The following GALNT9 variants were observed in gnomAD, a reference collection of about 807,000 sequenced individuals.
GALNT9 encodes the protein GalNAc transferase 9.
A neutral mutation model predicts 63.1 loss-of-function variants in GALNT9; 47 were observed. That is an observed-to-expected ratio of 0.75 (90% CI 0.59 to 0.95). GALNT9 has a LOEUF of 0.95. Among genes scored for constraint, GALNT9 ranks in the 40% least tolerant of loss-of-function variants. The probability of loss-of-function intolerance (pLI) is 0.00; values close to 1 mark genes in which losing one functional copy is unlikely to be tolerated. For synonymous variants in GALNT9, 396 were observed against 365.7 expected, an observed-to-expected ratio of 1.08 and a Z score of -0.94; for missense variants, 829 against 874.8, an observed-to-expected ratio of 0.95 and a Z score of 0.66.
At chr12:132,211,308 A>C (rs555602184) in intron 6 of GALNT9, among the ~76,000 whole-genome samples, 56 of 152,274 alleles carry the variant, frequency 3.7e-4, no homozygotes, top group African/African-American at 1.3e-3. Flanking sequence ...GAATAAACGA[A>C]CTTATTTCTC....
At position 132,226,393 on chromosome 12, in the gene GALNT9, C is replaced by G. The variant is rs1033538580; in HGVS notation, c.1077+21517G>C. Among the ~76,000 whole-genome samples, 302 of 151,152 alleles carry G rather than the reference C, an allele frequency of 2.0e-3. 4 individuals carry two copies. Among genetic ancestry groups the G allele is most frequent in the African/African-American group, 7.1e-3 (290 of 41,072 alleles). Reference sequence around the variant, plus strand: ...ACACACTGTACATACACATCCCACACACATACACCTCATATACCCCATGTA... The same window carrying G: ...ACACACTGTACATACACATCCCACAGACATACACCTCATATACCCCATGTA... On this transcript the variant is annotated intron_variant, in intron 6 of 10. Coordinates refer to ENST00000328957, the MANE Select transcript of GALNT9 (RefSeq NM_001122636.2).
rs757548654 is a variant in GALNT9 at position 132,199,286 on chromosome 12, C to T, written c.1402-17G>A. On this transcript the variant is annotated splice_polypyrimidine_tract_variant and intron_variant, in intron 8 of 10. Transcript: ENST00000328957. Reference sequence around the variant, plus strand: ...GTTTCTCACCTGCAAGCAGAAGCCCCAGGAGAAAGTCCAGAGTCACCCGAG... The same window carrying T: ...GTTTCTCACCTGCAAGCAGAAGCCCTAGGAGAAAGTCCAGAGTCACCCGAG... 1 of 1,576,242 alleles carries T rather than the reference C, an allele frequency of 6.3e-7. No individual in the cohort carries two copies. Among genetic ancestry groups the T allele is most frequent in the South Asian group, 1.1e-5 (1 of 90,450 alleles).
chr12:132,259,107 C>T (rs1368036863), intron 4 of GALNT9, among the ~76,000 whole-genome samples: 4 of 152,192 alleles, frequency 2.6e-5, no homozygotes, highest in Admixed American at 6.5e-5. Context: ...TTACTGTTAG[C>T]GAAGTGCTTC....
Position 132,282,138 on chromosome 12 carries a change from G to A in GALNT9, c.419+4112C>T, listed in dbSNP as rs1431068527. ...AGCAAGGCCAGGCCTGGGGGTCCCC[G>A]ATCCCACAGAGGAGGAATCAGCTCC... On this transcript the variant is annotated intron_variant, in intron 2 of 10. Transcript: ENST00000328957. This position sits in a 1 kb window ranked among gnomAD's most constrained non-coding sequence, Gnocchi z 4.5. Among the ~76,000 whole-genome samples, 4 of 111,300 alleles carry A rather than the reference G, an allele frequency of 3.6e-5. No homozygotes were observed. In the East Asian group the frequency reaches 7.9e-4, roughly 22 times the overall value. 73.0% of individuals were successfully genotyped at this position (111,300 alleles called of 152,430 possible).
At chr12:132,271,310 G>A (rs1398815686) in intron 2 of GALNT9, among the ~76,000 whole-genome samples, 5 of 152,106 alleles carry the variant, frequency 3.3e-5, no homozygotes, top group African/African-American at 1.2e-4. Context: ...GGAGAGAGGA[G>A]AACGCTGCCA....
rs1881096368 is a variant in GALNT9 at position 132,296,952 on chromosome 12, A to G, written c.239-10522T>C. 1.3e-5 allele frequency among the ~76,000 whole-genome samples: 2 copies of G among 152,060 alleles called. No homozygotes were observed. ...GAAATAACAAAGCCACTCCTCAGAT[A>G]ACCAACACATTCCCGAAATAAACAA... On this transcript the variant is annotated intron_variant, in intron 1 of 10. Transcript: ENST00000328957. This position sits in a 1 kb window ranked among gnomAD's most constrained non-coding sequence, Gnocchi z 4.2.
At position 132,313,774 on chromosome 12, in the gene GALNT9, CCATCCATA is replaced by C. The variant is rs1457579599; in HGVS notation, c.238+15184_238+15191del. On this transcript the variant is annotated intron_variant, in intron 1 of 10. Transcript: ENST00000328957. ...TCCATCCACCCATCCACCCAGCCAT[CCATCCATA>C]CATCCACCCATCCACCCACCCATCC... Among the ~76,000 whole-genome samples, 104 of 144,190 alleles carry C rather than the reference CCATCCATA, an allele frequency of 7.2e-4. 1 individual carries two copies. The highest frequency in any genetic ancestry group is 2.6e-3 in the African/African-American group (100 of 38,362). 94.6% of individuals were successfully genotyped at this position (144,190 alleles called of 152,430 possible). A position where few individuals can be genotyped will look rare whatever the true frequency, so the allele number is the denominator to read the frequency against.
intron 2 of GALNT9, among the ~76,000 whole-genome samples, chr12:132,271,598 C>G (rs1879868875): frequency 6.6e-6 from 1 of 152,206 alleles, no homozygotes; most frequent in Non-Finnish European, 1.5e-5. Flanking sequence ...CCACAAAACA[C>G]TGGCCTGGCG....
rs2136899450 is a variant in GALNT9 at position 132,240,766 on chromosome 12, G to C, written c.1077+7144C>G. 1.3e-5 allele frequency: 6 copies of C among 454,980 alleles called. 1 individual carries two copies. Among genetic ancestry groups the C allele is most frequent in the South Asian group, 7.8e-5 (5 of 64,474 alleles). 28.2% of individuals were successfully genotyped at this position (454,980 alleles called of 1,614,324 possible). ...CAGAACCTGATCACCAGCAGAATTG[G>C]AATGTGCAGTATGATCTATACATGT... is the stretch of plus-strand genomic sequence containing the variant. On this transcript the variant is annotated intron_variant, in intron 6 of 10. Transcript: ENST00000328957.
At chr12:132,255,064 G>T (rs1879060369) in intron 5 of GALNT9, among the ~76,000 whole-genome samples, 1 of 152,210 alleles carries the variant, frequency 6.6e-6, no homozygotes. Flanking sequence ...TGTCAACCAA[G>T]AATAAAATTC....
chr12:132,269,298 T>C (rs1879775953), intron 2 of GALNT9, among the ~76,000 whole-genome samples: 1 of 151,966 alleles, frequency 6.6e-6, no homozygotes, highest in Admixed American at 6.5e-5. Flanking sequence ...CGAGTGTGAT[T>C]TCCACGCGTG....
Position 132,230,641 on chromosome 12 carries a change from G to A in GALNT9, c.1077+17269C>T, listed in dbSNP as rs951270702. 1.2e-3 allele frequency among the ~76,000 whole-genome samples: 184 copies of A among 152,310 alleles called. 2 individuals carry two copies. Among genetic ancestry groups the A allele is most frequent in the African/African-American group, 4.0e-3 (168 of 41,562 alleles). On this transcript the variant is annotated intron_variant, in intron 6 of 10. Transcript: ENST00000328957. ...CACGGAGTGGATGAGAAGGCTGCCCGGGCAGGACCCCTTCCCCGCAGCCCT... is the reference window on the plus strand; with the variant it reads ...CACGGAGTGGATGAGAAGGCTGCCCAGGCAGGACCCCTTCCCCGCAGCCCT...
chr12:132,197,312 C>T (rs946342885), intron 10 of GALNT9, 59 bp from the exon 11 acceptor site: 22 of 1,587,502 alleles, frequency 1.4e-5, no homozygotes, highest in African/African-American at 6.7e-5. Flanking sequence ...CCCCTCCCCC[C>T]ACCTCAGGGA....
chr12:132,209,362 T>TA lies in GALNT9; in HGVS notation c.1078-5673dup, dbSNP rs535876437. ...CAACATGGTGAAATGCCGTCTTTAC[T>TA]AAAAAAAATAAATAAATAAATAAAT... On this transcript the variant is annotated intron_variant, in intron 6 of 10. Transcript: ENST00000328957. Among the ~76,000 whole-genome samples, 551 of 150,588 alleles carry TA rather than the reference T, an allele frequency of 3.7e-3. 4 individuals carry two copies. Among genetic ancestry groups the TA allele is most frequent in the African/African-American group, 0.012 (492 of 40,784 alleles).
chr12:132,326,705 G>T (rs376859248), intron 1 of GALNT9, among the ~76,000 whole-genome samples: 28 of 152,326 alleles, frequency 1.8e-4, no homozygotes, highest in African/African-American at 6.7e-4. Context: ...TTCTGAACTC[G>T]GATGGATTAG....
chr12:132,267,602 C>G (rs1296218480), intron 2 of GALNT9, among the ~76,000 whole-genome samples: 1 of 152,222 alleles, frequency 6.6e-6, no homozygotes, highest in East Asian at 1.9e-4. Context: ...CTCACACCAC[C>G]TCAAGTTAAG....
In GALNT9 at chr12:132,260,289, C is replaced by T. The variant is rs190816139; in HGVS notation, c.761+659G>A. 2.2e-3 allele frequency among the ~76,000 whole-genome samples: 331 copies of T among 152,064 alleles called. 2 individuals are homozygous for T. Among genetic ancestry groups the T allele is most frequent in the African/African-American group, 6.8e-3 (282 of 41,448 alleles). Reference sequence around the variant, plus strand: ...CCTCTGGGGGAAACTCGGCCCTGCCCACACCTTGGAGTCGGGCCCTGCCCA... The same window carrying T: ...CCTCTGGGGGAAACTCGGCCCTGCCTACACCTTGGAGTCGGGCCCTGCCCA... On this transcript the variant is annotated intron_variant, in intron 4 of 10. Coordinates refer to ENST00000328957, the MANE Select transcript of GALNT9 (RefSeq NM_001122636.2).
At chr12:132,228,612 C>T (rs920515755) in intron 6 of GALNT9, among the ~76,000 whole-genome samples, 6 of 152,154 alleles carry the variant, frequency 3.9e-5, no homozygotes, top group African/African-American at 1.4e-4. Context: ...CCCCCGGCCC[C>T]AGACGTTCTG....
At chr12:132,309,974 T>G (rs1283029772) in intron 1 of GALNT9, among the ~76,000 whole-genome samples, 1 of 152,206 alleles carries the variant, frequency 6.6e-6, no homozygotes, top group African/African-American at 2.4e-5. Context: ...CCGCTGAGGG[T>G]GGCGCCCGAC....
Sources: gnomAD v4.1 joint callset for allele counts (sites outside exome capture counted in the v4.1 genomes callset) on GRCh38, gnomAD v4.1.1 for gene constraint, Gnocchi (gnomAD v3.1) non-coding constraint, MANE v1.5 for transcripts, NCBI Gene and HGNC (gene_info 2026-07-23, HGNC 2026-07-21) for gene names.